SORCS1: variants seen among roughly 807,000 people sequenced by gnomAD.
SORCS1 encodes VPS10 domain-containing receptor SorCS1.
In SORCS1, 60 loss-of-function variants were observed where a neutral mutation model predicts 146.1. The observed-to-expected ratio is 0.41, with a 90% CI of 0.33 to 0.51. The LOEUF is 0.51. Among genes scored for constraint, SORCS1 ranks in the 20% least tolerant of loss-of-function variants. The probability of loss-of-function intolerance (pLI) is 0.21; values close to 1 mark genes in which losing one functional copy is unlikely to be tolerated. For missense variants in SORCS1, 1,352 were observed against 1,487.6 expected (o/e 0.91, Z 1.50); for synonymous variants, 637 against 584.0 (o/e 1.09, Z -1.31).
At chr10:106,724,811 A>G (rs1327231407) in intron 6 of SORCS1, among the ~76,000 whole-genome samples, 1 of 152,248 alleles carries the variant, frequency 6.6e-6, no homozygotes, top group Non-Finnish European at 1.5e-5. Flanking sequence ...ATATGTGAAC[A>G]CACTAAAATC....
chr10:106,578,847 T>C, intron 25 of SORCS1: 1 of 1,364,248 alleles, frequency 7.3e-7, no homozygotes. Context: ...AGCCCAATAT[T>C]TTAGGGAGGG....
At chr10:106,603,001 A>G (rs929587539) in intron 23 of SORCS1, among the ~76,000 whole-genome samples, 20 of 152,248 alleles carry the variant, frequency 1.3e-4, no homozygotes, top group Admixed American at 1.1e-3. Flanking sequence ...CAAGGAAGAA[A>G]TATATATATT....
intron 2 of SORCS1, among the ~76,000 whole-genome samples, chr10:106,893,305 C>G (rs1390479051): frequency 6.6e-6 from 1 of 152,178 alleles, no homozygotes; most frequent in Non-Finnish European, 1.5e-5. Flanking sequence ...ATGAAGCCAA[C>G]AAAAGGAATG....
At chr10:107,082,500 CAG>C (rs764555551) in intron 1 of SORCS1, among the ~76,000 whole-genome samples, 4 of 151,500 alleles carry the variant, frequency 2.6e-5, no homozygotes, top group Non-Finnish European at 5.9e-5. Context: ...TTTTTAGAGA[CAG>C]AGTCACGCTC....
chr10:107,142,335 C>T (rs189066713), intron 1 of SORCS1, among the ~76,000 whole-genome samples: 7 of 152,248 alleles, frequency 4.6e-5, no homozygotes, highest in Admixed American at 3.3e-4. Context: ...AGAGAACCCG[C>T]GCTGCAAGAA....
intron 2 of SORCS1, among the ~76,000 whole-genome samples, chr10:106,877,234 G>A (rs1950620891): frequency 6.6e-6 from 1 of 152,124 alleles, no homozygotes; most frequent in South Asian, 2.1e-4. Flanking sequence ...TTAATGGGCT[G>A]TAAGAGAAAA....
intron 1 of SORCS1, among the ~76,000 whole-genome samples, chr10:107,035,497 A>C (rs1958869437): frequency 6.6e-6 from 1 of 152,064 alleles, no homozygotes; most frequent in African/African-American, 2.4e-5. Flanking sequence ...GGAGTGAAAA[A>C]ACTCTCATAT....
At chr10:106,919,676 A>C (rs1052442316) in intron 2 of SORCS1, among the ~76,000 whole-genome samples, 5 of 152,194 alleles carry the variant, frequency 3.3e-5, no homozygotes, top group African/African-American at 9.7e-5. Context: ...ACTACTCAAA[A>C]GCATTGGATA....
chr10:107,135,738 G>T (rs925981780), intron 1 of SORCS1, among the ~76,000 whole-genome samples: 1 of 152,146 alleles, frequency 6.6e-6, no homozygotes, highest in African/African-American at 2.4e-5. Flanking sequence ...ATAATGAAAC[G>T]ACATATATTA....
At position 106,777,642 on chromosome 10, in the gene SORCS1, G is replaced by A. The variant is rs1860552645; in HGVS notation, c.727-950C>T. On this transcript the variant is annotated intron_variant, in intron 3 of 25. Coordinates refer to ENST00000263054, the MANE Select transcript of SORCS1 (RefSeq NM_052918.5). ...CAGACGTTTTACACTGTCTCATTGGGATGCCCAATTTTGTCCAGAGCAATG... is the reference window on the plus strand; with the variant it reads ...CAGACGTTTTACACTGTCTCATTGGAATGCCCAATTTTGTCCAGAGCAATG... Among the ~76,000 whole-genome samples, 5 of 152,326 alleles carry A rather than the reference G, an allele frequency of 3.3e-5. No homozygotes were observed. In the South Asian group the frequency reaches 6.2e-4, roughly 19 times the overall value.
At chr10:106,973,644 A>C (rs1304659674) in intron 1 of SORCS1, among the ~76,000 whole-genome samples, 1 of 152,202 alleles carries the variant, frequency 6.6e-6, no homozygotes, top group Non-Finnish European at 1.5e-5. Context: ...TTTTCTTGAA[A>C]ATTGAACCTC....
intron 2 of SORCS1, among the ~76,000 whole-genome samples, chr10:106,910,283 T>TTGTGTG (rs141789814): frequency 0.028 from 4,102 of 146,066 alleles, 110 homozygotes; most frequent in African/African-American, 0.074. Context: ...TCTCTTTACA[T>TTGTGTG]TGTGTGTGTG....
At chr10:106,659,452 G>C (rs1282185783) in intron 17 of SORCS1, among the ~76,000 whole-genome samples, 1 of 152,128 alleles carries the variant, frequency 6.6e-6, no homozygotes, top group Non-Finnish European at 1.5e-5. Flanking sequence ...TCCACTATCT[G>C]AGCCTACCAG....
intron 1 of SORCS1, among the ~76,000 whole-genome samples, chr10:106,980,925 C>A (rs1285057468): frequency 6.6e-6 from 1 of 150,984 alleles, no homozygotes; most frequent in East Asian, 2.0e-4. Context: ...CCCCAGGGGG[C>A]TTTAATTTAT....
chr10:107,103,740 T>C (rs1267044635), intron 1 of SORCS1, among the ~76,000 whole-genome samples: 2 of 152,220 alleles, frequency 1.3e-5, no homozygotes, highest in Non-Finnish European at 2.9e-5. Context: ...TGCAGGCATT[T>C]ACATTTCAGT....
chr10:106,934,488 T>C (rs541525292), intron 2 of SORCS1, among the ~76,000 whole-genome samples: 11 of 152,226 alleles, frequency 7.2e-5, no homozygotes, highest in Admixed American at 7.2e-4. Flanking sequence ...CTGGATCTCC[T>C]GCCCTCGTGA....
intron 19 of SORCS1, among the ~76,000 whole-genome samples, chr10:106,625,809 AT>A (rs35727364): frequency 7.6e-4 from 112 of 147,488 alleles, no homozygotes; most frequent in Admixed American, 3.2e-3. Context: ...GTCTTCAGTG[AT>A]TTTTTTTTTT....
At chr10:106,919,011 A>G (rs910854399) in intron 2 of SORCS1, among the ~76,000 whole-genome samples, 1 of 151,706 alleles carries the variant, frequency 6.6e-6, no homozygotes, top group Non-Finnish European at 1.5e-5. Flanking sequence ...TAATTTTTGT[A>G]TTTTTCTGTA....
intron 5 of SORCS1, among the ~76,000 whole-genome samples, chr10:106,747,559 G>C (rs1857833812): frequency 6.6e-6 from 1 of 152,036 alleles, no homozygotes; most frequent in African/African-American, 2.4e-5. Context: ...TTTGTGCTCA[G>C]TCAAATAAGT....
Sources: allele counts gnomAD v4.1 joint callset (sites outside exome capture counted in the v4.1 genomes callset), GRCh38; gene constraint gnomAD v4.1.1; transcripts MANE v1.5; gene names NCBI Gene and HGNC (gene_info 2026-07-23, HGNC 2026-07-21).